The following TUBGCP3 variants were observed in gnomAD, a reference collection of about 807,000 sequenced individuals.
TUBGCP3 encodes gamma-tubulin complex component 3.
Under a neutral mutation model 123.1 loss-of-function variants are expected in TUBGCP3, and 50 were observed. The ratio of observed to expected loss-of-function variants is 0.41; its 90% CI spans 0.32 to 0.51. TUBGCP3 has a LOEUF of 0.51. TUBGCP3 is among the 20% of genes least tolerant of loss of function. The pLI is 0.36. For missense variants in TUBGCP3, 882 were observed against 1,127.0 expected, an observed-to-expected ratio of 0.78 and a Z score of 3.11; for synonymous variants, 405 against 413.9, an observed-to-expected ratio of 0.98 and a Z score of 0.26.
the TUBGCP3 span, among the ~76,000 whole-genome samples, chr13:112,601,829 G>A: frequency 4.8e-3 from 733 of 152,326 alleles, 6 homozygotes; most frequent in Non-Finnish European, 7.5e-3. Context: ...GAAGCCAGAG[G>A]GTAGGAGAAC....
chr13:112,536,754 G>A (rs563481007), intron 11 of TUBGCP3, among the ~76,000 whole-genome samples: 1 of 152,162 alleles, frequency 6.6e-6, no homozygotes, highest in South Asian at 2.1e-4. Flanking sequence ...CTATAAATCA[G>A]ATCAAGTATC....
intron 8 of TUBGCP3, among the ~76,000 whole-genome samples, chr13:112,551,305 T>C (rs1594186148): frequency 6.6e-6 from 1 of 152,188 alleles, no homozygotes; most frequent in Admixed American, 6.5e-5. Flanking sequence ...TCCACCTTGG[T>C]TCATTAAATG....
rs1331350904 is a variant in TUBGCP3, at chr13:112,489,847, C to T, written c.2449-150G>A. The T allele has an allele frequency of 2.8e-5, 17 of 610,976 alleles. No homozygotes were observed. The East Asian group carries it at 4.7e-4, about 17-fold the overall frequency. The allele number at this position is 610,976 out of a possible 1,614,324, so 37.8% of individuals were successfully genotyped here. ...ACACTTTCACAATAATTTTCTGATG[C>T]CAGACTGCTCTCCAGCTTACTTTTT... On this transcript the variant is annotated intron_variant, in intron 20 of 21. Coordinates refer to ENST00000261965, the MANE Select transcript of TUBGCP3 (RefSeq NM_006322.6).
chr13:112,579,515 G>C (rs543058244), intron 1 of TUBGCP3, among the ~76,000 whole-genome samples: 38 of 151,044 alleles, frequency 2.5e-4, no homozygotes, highest in African/African-American at 9.0e-4. Flanking sequence ...GAGTGTCAGG[G>C]GGCCACGGCA....
At position 112,544,235 on chromosome 13, in the gene TUBGCP3, C is replaced by T. The variant is rs930957285; in HGVS notation, c.1335+1464G>A. ...TTGGGAGGCCAAGGCGGGCAGATCA[C>T]AAGGTCAGGAGATCGAGACCATCCT... On this transcript the variant is annotated intron_variant, in intron 11 of 21. Coordinates refer to ENST00000261965, the MANE Select transcript of TUBGCP3 (RefSeq NM_006322.6). Among the ~76,000 whole-genome samples, 56 of 152,140 alleles carry T rather than the reference C, an allele frequency of 3.7e-4. 1 individual carries two copies. Among genetic ancestry groups the T allele is most frequent in the Non-Finnish European group, 6.8e-4 (46 of 67,986 alleles).
chr13:112,592,324 G>C (rs1018483892), upstream of TUBGCP3, among the ~76,000 whole-genome samples: 2 of 152,176 alleles, frequency 1.3e-5, no homozygotes, highest in Non-Finnish European at 2.9e-5. The surrounding 1 kb of genome is among the most constrained non-coding windows in gnomAD (Gnocchi z 4.1). Context: ...GGTGCTGAGC[G>C]AGAGGGGCCG....
At position 112,559,334 on chromosome 13, in the gene TUBGCP3, C is replaced by T; in HGVS notation, c.318G>A (p.Arg106=). 1 of 1,611,722 alleles carries T rather than the reference C, an allele frequency of 6.2e-7. No individual in the cohort carries two copies. Among genetic ancestry groups the T allele is most frequent in the East Asian group, 2.2e-5 (1 of 44,726 alleles). Residue 106 remains arginine (R), a synonymous_variant, in exon 4 of 22, where the codon AGG becomes AGA. Transcript: ENST00000261965. ...CAAAGCCACTTACCTTGCTTGGCTG[C>T]CTGCGTGGGTCCTCACTGAGGCTCA... is the stretch of plus-strand genomic sequence containing the variant. The part of the protein sequence containing the change: ...LLLSLSEDPR[R]QPSKVSSYAT...
intron 8 of TUBGCP3, among the ~76,000 whole-genome samples, chr13:112,549,464 C>A (rs181791608): frequency 6.6e-6 from 1 of 150,544 alleles, no homozygotes; most frequent in East Asian, 1.9e-4. Context: ...GCACATGTAC[C>A]CTAAAACTTA....
the TUBGCP3 span, among the ~76,000 whole-genome samples, chr13:112,600,171 C>T: frequency 6.6e-6 from 1 of 152,264 alleles, no homozygotes; most frequent in Non-Finnish European, 1.5e-5. Flanking sequence ...CAAATCATCC[C>T]ATCCGTCTCT....
chr13:112,560,747 A>C (rs113703231), intron 3 of TUBGCP3, among the ~76,000 whole-genome samples: 2,991 of 152,318 alleles, frequency 0.02, 105 homozygotes, highest in African/African-American at 0.068. Context: ...TAAATTACTA[A>C]CTTTAAAAAA....
chr13:112,502,916 T>C (rs1328814628), intron 19 of TUBGCP3, among the ~76,000 whole-genome samples: 1 of 152,192 alleles, frequency 6.6e-6, no homozygotes, highest in Non-Finnish European at 1.5e-5. Flanking sequence ...TTCCACATAT[T>C]TATAAAAACA....
In TUBGCP3 at chr13:112,529,991, T is replaced by C. The variant is rs183633347; in HGVS notation, c.1336-2507A>G. ...GAGAGAGAAGACCCTGAAAACGGTATCTTCAGAAGAAACTGGAAATATAAA... is the reference window on the plus strand; with the variant it reads ...GAGAGAGAAGACCCTGAAAACGGTACCTTCAGAAGAAACTGGAAATATAAA... On this transcript the variant is annotated intron_variant, in intron 11 of 21. Coordinates refer to ENST00000261965, the MANE Select transcript of TUBGCP3 (RefSeq NM_006322.6). Among the ~76,000 whole-genome samples, 125 of 152,322 alleles carry C rather than the reference T, an allele frequency of 8.2e-4. 3 individuals are homozygous for C. The highest frequency in any genetic ancestry group is 3.0e-3 in the African/African-American group (124 of 41,576).
intron 1 of TUBGCP3, 34 bp downstream of exon 1, chr13:112,587,871 G>T (rs113012367): frequency 0.027 from 42,630 of 1,572,174 alleles, 1,134 homozygotes; most frequent in African/African-American, 0.12. Context: ...CCCCGGGACG[G>T]GTCTGCGGGC....
At chr13:112,509,942 T>C (rs1209159625) in intron 17 of TUBGCP3, among the ~76,000 whole-genome samples, 1 of 152,204 alleles carries the variant, frequency 6.6e-6, no homozygotes, top group African/African-American at 2.4e-5. Flanking sequence ...TACCCAGCAC[T>C]CTGAAAATAT....
rs35550857 is a variant in TUBGCP3, at chr13:112,512,427, C to CAAAAAAA, written c.2086+4006_2086+4012dup. ...TGGGCGACAGAGCAAGACTCTGTCTCAAAAAAAAAAAAAAAAAAAAAAAGG... is the reference window on the plus strand; with the variant it reads ...TGGGCGACAGAGCAAGACTCTGTCTCAAAAAAAAAAAAAAAAAAAAAAAAAAAAAAGG... On this transcript the variant is annotated intron_variant, in intron 17 of 21. Transcript: ENST00000261965. Among the ~76,000 whole-genome samples, 17 of 39,472 alleles carry CAAAAAAA rather than the reference C, an allele frequency of 4.3e-4. 1 individual carries two copies. The highest frequency in any genetic ancestry group is 1.6e-3 in the African/African-American group (17 of 10,688). The allele number at this position is 39,472 out of a possible 152,430, so 25.9% of individuals were successfully genotyped here.
intron 20 of TUBGCP3, chr13:112,498,752 C>T (rs775103238): frequency 8.6e-6 from 13 of 1,517,840 alleles, no homozygotes; most frequent in South Asian, 2.5e-5. Context: ...GAGATTCCGA[C>T]GGGTGACATC....
chr13:112,587,862 C>A, intron 1 of TUBGCP3, 43 bp downstream of exon 1: 1 of 1,553,738 alleles, frequency 6.4e-7, no homozygotes, highest in Non-Finnish European at 8.7e-7. Context: ...GGGAGCAGCC[C>A]CCGGGACGGG....
At chr13:112,568,181 C>A (rs1881114896) in intron 2 of TUBGCP3, among the ~76,000 whole-genome samples, 1 of 151,192 alleles carries the variant, frequency 6.6e-6, no homozygotes, top group Non-Finnish European at 1.5e-5. Context: ...ATCACTAAGA[C>A]CCACAGCCAA....
intron 16 of TUBGCP3, among the ~76,000 whole-genome samples, chr13:112,517,379 T>C (rs1423918214): frequency 6.6e-6 from 1 of 152,230 alleles, no homozygotes; most frequent in Non-Finnish European, 1.5e-5. Context: ...TTTATGTACA[T>C]GGCATGACAA....
Sources: allele counts gnomAD v4.1 joint callset (sites outside exome capture counted in the v4.1 genomes callset), GRCh38; gene constraint gnomAD v4.1.1; non-coding constraint Gnocchi (gnomAD v3.1); transcripts MANE v1.5; gene names NCBI Gene and HGNC (gene_info 2026-07-23, HGNC 2026-07-21).